RBM47: variants seen among roughly 807,000 people sequenced by gnomAD.
RBM47 encodes the protein RNA binding motif protein 47.
In RBM47, 21 loss-of-function variants were observed where a neutral mutation model predicts 47.1. The observed-to-expected ratio is 0.45, with a 90% CI of 0.32 to 0.64. The LOEUF (loss-of-function observed/expected upper bound fraction) is 0.64, where lower values mean the gene tolerates loss of function less well. Among genes scored for constraint, RBM47 ranks in the 30% least tolerant of loss-of-function variants. The pLI is 0.05. For missense variants in RBM47, 708 were observed against 870.9 expected (o/e 0.81, Z 2.35); for synonymous variants, 375 against 361.7 (o/e 1.04, Z -0.42).
chr4:40,532,659 A>ATT (rs11453162), intron 2 of RBM47, among the ~76,000 whole-genome samples: 2 of 147,906 alleles, frequency 1.4e-5, no homozygotes, highest in African/African-American at 5.0e-5. Context: ...CTTTTTAAAT[A>ATT]TTTTTTTCCA....
At chr4:40,569,966 C>G (rs1731555197) in intron 1 of RBM47, among the ~76,000 whole-genome samples, 1 of 152,070 alleles carries the variant, frequency 6.6e-6, no homozygotes, top group Non-Finnish European at 1.5e-5. Context: ...CCCGCCTTGG[C>G]CTCCCAAAGT....
intron 1 of RBM47, among the ~76,000 whole-genome samples, chr4:40,617,823 C>T (rs1736889991): frequency 6.6e-6 from 1 of 151,058 alleles, no homozygotes; most frequent in African/African-American, 2.4e-5. Flanking sequence ...TTACAGTTTC[C>T]TATACACCCT....
At chr4:40,471,145 G>C (rs1220666877) in intron 2 of RBM47, among the ~76,000 whole-genome samples, 1 of 152,136 alleles carries the variant, frequency 6.6e-6, no homozygotes, top group African/African-American at 2.4e-5. Context: ...AAATAACTAA[G>C]TTCTAGTTCT....
rs1343671276 is a variant in RBM47, at chr4:40,437,883, A to T, written c.1011T>A (p.Ala337=). 6.2e-7 allele frequency: 1 copy of T among 1,613,972 alleles called. No homozygotes were observed. Among genetic ancestry groups the T allele is most frequent in the Non-Finnish European group, 8.5e-7 (1 of 1,180,016 alleles). ...CGTAGCTGGGCTGCTGCGCTGCCTC[A>T]GCCGCGCCGCCGCCCCTGGCTGCCT... ...YQKAARGGGA[A]EAAQQPSYVY... The change falls in exon 4 of 7, where the codon GCT becomes GCA. Residue 337 remains alanine, a synonymous_variant. Transcript: ENST00000295971.
At chr4:40,483,490 G>T in intron 2 of RBM47, among the ~76,000 whole-genome samples, 1 of 152,210 alleles carries the variant, frequency 6.6e-6, no homozygotes, top group Non-Finnish European at 1.5e-5. Context: ...CTGATTGGAG[G>T]ATTCTGAGCA....
At chr4:40,559,881 G>A (rs1730444486) in intron 1 of RBM47, among the ~76,000 whole-genome samples, 3 of 152,072 alleles carry the variant, frequency 2.0e-5, no homozygotes, top group Non-Finnish European at 2.9e-5. Flanking sequence ...ATAAGTCACT[G>A]TTCCTTCAAA....
At chr4:40,440,596 T>C (rs773375846) in intron 3 of RBM47, among the ~76,000 whole-genome samples, 11 of 152,274 alleles carry the variant, frequency 7.2e-5, no homozygotes, top group South Asian at 2.1e-4. Context: ...ATGGCCAAAA[T>C]AGTCCTTTTG....
chr4:40,426,782 T>C (rs1715119173), intron 6 of RBM47: 9 of 152,410 alleles, frequency 5.9e-5, no homozygotes, highest in Admixed American at 5.9e-4. Flanking sequence ...ATTGTCTTTA[T>C]TCAAGCCACG....
intron 1 of RBM47, among the ~76,000 whole-genome samples, chr4:40,605,853 CG>C (rs1221242457): frequency 6.6e-6 from 1 of 151,042 alleles, no homozygotes; most frequent in Non-Finnish European, 1.5e-5. Context: ...AAGAAAAATA[CG>C]GGTTTTCCAT....
chr4:40,536,584 G>A (rs1728004906), intron 2 of RBM47, among the ~76,000 whole-genome samples: 2 of 152,192 alleles, frequency 1.3e-5, no homozygotes, highest in East Asian at 1.9e-4. Context: ...CTCTATGGTA[G>A]GTCCAGACCT....
Position 40,549,109 on chromosome 4 carries a change from T to TGG in RBM47, c.-239-4605_-239-4604dup, listed in dbSNP as rs369365106. On this transcript the variant is annotated intron_variant, in intron 1 of 6. Coordinates refer to ENST00000295971, the MANE Select transcript of RBM47 (RefSeq NM_001098634.2). ...GACTGTACCTCAGTTTCTTTTTTTT[T>TGG]GGGGGGGGGGACACAGAGCCTTGCT... Among the ~76,000 whole-genome samples the TGG allele has an allele frequency of 1.7e-3, 245 of 147,066 alleles. 1 individual carries two copies. The highest frequency in any genetic ancestry group is 6.7e-3 in the South Asian group (31 of 4,654).
At chr4:40,446,095 A>T (rs999187833) in intron 3 of RBM47, among the ~76,000 whole-genome samples, 1 of 152,212 alleles carries the variant, frequency 6.6e-6, no homozygotes, top group African/African-American at 2.4e-5. Context: ...AAGCCATTTA[A>T]CATCATTAAG....
chr4:40,496,600 T>G (rs1722625412), intron 2 of RBM47, among the ~76,000 whole-genome samples: 1 of 152,214 alleles, frequency 6.6e-6, no homozygotes, highest in Non-Finnish European at 1.5e-5. Context: ...GCTACTCTGT[T>G]TCCTCTCTAC....
At chr4:40,437,161 T>TATATATATAATAC (rs1712753116) in intron 4 of RBM47, among the ~76,000 whole-genome samples, 7 of 126,590 alleles carry the variant, frequency 5.5e-5, no homozygotes, top group African/African-American at 2.2e-4. Flanking sequence ...AAAATACATA[T>TATATATATAATAC]ATATATATAT....
At chr4:40,471,556 G>A (rs369122397) in intron 2 of RBM47, among the ~76,000 whole-genome samples, 2 of 151,996 alleles carry the variant, frequency 1.3e-5, no homozygotes, top group South Asian at 2.1e-4. Flanking sequence ...AATTAGCCGG[G>A]TGTGGTGGCA....
chr4:40,492,789 G>T (rs951868404), intron 2 of RBM47, among the ~76,000 whole-genome samples: 42 of 152,182 alleles, frequency 2.8e-4, no homozygotes, highest in African/African-American at 1.0e-3. Flanking sequence ...GTGTGTGTGT[G>T]TGTGTGTACG....
chr4:40,434,946 T>A (rs919908981), intron 5 of RBM47, among the ~76,000 whole-genome samples: 1 of 151,910 alleles, frequency 6.6e-6, no homozygotes, highest in Non-Finnish European at 1.5e-5. Context: ...TGGAGGAGGG[T>A]CGTGCCAATT....
chr4:40,599,588 G>A (rs1444609258), intron 1 of RBM47, among the ~76,000 whole-genome samples: 4 of 152,028 alleles, frequency 2.6e-5, no homozygotes, highest in Admixed American at 2.0e-4. Flanking sequence ...GGACACTCAC[G>A]CTTGGGACAC....
At chr4:40,615,029 G>A (rs1427307421) in intron 1 of RBM47, among the ~76,000 whole-genome samples, 2 of 152,130 alleles carry the variant, frequency 1.3e-5, no homozygotes, top group African/African-American at 4.8e-5. Flanking sequence ...GGGAGGCTGA[G>A]GCAGAAGGAT....
Sources: allele counts gnomAD v4.1 joint callset (sites outside exome capture counted in the v4.1 genomes callset), GRCh38; gene constraint gnomAD v4.1.1; transcripts MANE v1.5; gene names NCBI Gene and HGNC (gene_info 2026-07-23, HGNC 2026-07-21).